NFIB: variants seen among roughly 807,000 people sequenced by gnomAD.
NFIB encodes nuclear factor I B.
A neutral mutation model predicts 61.5 loss-of-function variants in NFIB; 11 were observed. That is an observed-to-expected ratio of 0.18 (90% CI 0.11 to 0.30). The LOEUF is 0.30. NFIB is among the 10% of genes least tolerant of loss of function. The pLI, the probability that NFIB is intolerant of heterozygous loss-of-function variation, is 1.00. For missense variants in NFIB, 471 were observed against 608.9 expected (o/e 0.77, Z 2.38); for synonymous variants, 260 against 216.5 (o/e 1.20, Z -1.76).
At chr9:14,092,008 C>T (rs575694658) in intron 10 of NFIB, among the ~76,000 whole-genome samples, 3 of 152,158 alleles carry the variant, frequency 2.0e-5, no homozygotes, top group African/African-American at 4.8e-5. Flanking sequence ...CATGGCTCCC[C>T]CCAAAAGGGA....
the NFIB span, among the ~76,000 whole-genome samples, chr9:14,505,832 A>G: frequency 6.6e-6 from 1 of 152,160 alleles, no homozygotes; most frequent in Admixed American, 6.5e-5. Context: ...ACCAAGAAAT[A>G]CCTGAGCAAG....
chr9:14,499,961 G>A, the NFIB span, among the ~76,000 whole-genome samples: 1 of 152,190 alleles, frequency 6.6e-6, no homozygotes, highest in Non-Finnish European at 1.5e-5. Context: ...TTGATGAGAA[G>A]CAACTCAGCT....
chr9:14,461,963 G>C, the NFIB span, among the ~76,000 whole-genome samples: 223 of 152,112 alleles, frequency 1.5e-3, 1 homozygote, highest in Middle Eastern at 0.014. Context: ...TGTTATTGAT[G>C]ATTTCTTCTG....
At chr9:14,517,764 C>T in the NFIB span, among the ~76,000 whole-genome samples, 1 of 152,126 alleles carries the variant, frequency 6.6e-6, no homozygotes, top group Admixed American at 6.5e-5. Context: ...TAAGTGCCCT[C>T]ACTTACAGCA....
At chr9:14,196,688 TA>T (rs35353437) in intron 2 of NFIB, among the ~76,000 whole-genome samples, 112,760 of 140,360 alleles carry the variant, frequency 0.8, 45,485 homozygotes, top group Middle Eastern at 0.85. Context: ...TATTCTAACT[TA>T]AAAAAAAAAA....
At chr9:14,441,827 A>C in the NFIB span, among the ~76,000 whole-genome samples, 1 of 152,118 alleles carries the variant, frequency 6.6e-6, no homozygotes, top group Non-Finnish European at 1.5e-5. Flanking sequence ...AATATATACA[A>C]TGCATTTATT....
At chr9:14,118,548 T>C (rs2038469208) in intron 8 of NFIB, among the ~76,000 whole-genome samples, 2 of 152,068 alleles carry the variant, frequency 1.3e-5, no homozygotes, top group African/African-American at 2.4e-5. Context: ...TTGAGGGCTA[T>C]TTTCTCCTCA....
In NFIB at chr9:14,313,534, T is replaced by C. The variant is rs775577973; in HGVS notation, c.-23A>G. ...CATGACTTCGCCTTAAAACGCACTT[T>C]CCGGGAGATGCCCAAGAAAATCTTC... On this transcript the variant is annotated 5_prime_UTR_variant, in exon 1 of 11. Transcript: ENST00000380953. This position sits in a 1 kb window ranked among gnomAD's most constrained non-coding sequence, Gnocchi z 4.5. 1.2e-6 allele frequency: 2 copies of C among 1,613,382 alleles called. No individual in the cohort carries two copies. The highest frequency in any genetic ancestry group is 2.7e-5 in the African/African-American group (2 of 74,898).
chr9:14,408,438 C>A, the NFIB span, among the ~76,000 whole-genome samples: 1 of 152,010 alleles, frequency 6.6e-6, no homozygotes, highest in Non-Finnish European at 1.5e-5. Flanking sequence ...CCCATGGTAC[C>A]ATATGGTGAG....
At chr9:14,447,526 T>A in the NFIB span, among the ~76,000 whole-genome samples, 1 of 152,188 alleles carries the variant, frequency 6.6e-6, no homozygotes, top group African/African-American at 2.4e-5. Flanking sequence ...AGGCTGTAAA[T>A]CTCAGACAAA....
the NFIB span, among the ~76,000 whole-genome samples, chr9:14,517,692 C>CT: frequency 6.6e-6 from 1 of 152,010 alleles, no homozygotes; most frequent in African/African-American, 2.4e-5. Context: ...CTTGGACCTT[C>CT]TTTCTTTACA....
intron 1 of NFIB, among the ~76,000 whole-genome samples, chr9:14,327,756 A>G (rs1031621441): frequency 1.3e-5 from 2 of 152,230 alleles, no homozygotes; most frequent in African/African-American, 4.8e-5. Flanking sequence ...GAAACCAAAG[A>G]AAAATGTAAT....
At chr9:14,226,403 C>T (rs1192621040) in intron 2 of NFIB, among the ~76,000 whole-genome samples, 5 of 151,872 alleles carry the variant, frequency 3.3e-5, no homozygotes, top group African/African-American at 9.7e-5. Flanking sequence ...AAAAAATTGG[C>T]CGGGCAGGGT....
chr9:14,424,529 A>G, the NFIB span, among the ~76,000 whole-genome samples: 1 of 152,224 alleles, frequency 6.6e-6, no homozygotes, highest in African/African-American at 2.4e-5. Context: ...GGCGACCTGC[A>G]GAACGACATT....
chr9:14,293,824 A>G (rs1036892328), intron 2 of NFIB, among the ~76,000 whole-genome samples: 3 of 152,206 alleles, frequency 2.0e-5, no homozygotes, highest in Non-Finnish European at 4.4e-5. Flanking sequence ...TGTACAAAAT[A>G]TGGATCTCAG....
At chr9:14,102,541 G>C in intron 10 of NFIB, 1 of 1,532,648 alleles carries the variant, frequency 6.5e-7, no homozygotes, top group Non-Finnish European at 8.8e-7. Flanking sequence ...GTCAGATATG[G>C]ATCGAGCAGT....
the NFIB span, among the ~76,000 whole-genome samples, chr9:14,485,080 C>T: frequency 6.6e-6 from 1 of 152,028 alleles, no homozygotes; most frequent in Admixed American, 6.6e-5. Context: ...AGAGTCATGC[C>T]CTTAGGATCT....
intron 1 of NFIB, among the ~76,000 whole-genome samples, chr9:14,397,899 G>A (rs1001558400): frequency 6.6e-6 from 1 of 152,138 alleles, no homozygotes; most frequent in African/African-American, 2.4e-5. Flanking sequence ...CGGAGGAGAT[G>A]GCACCATACT....
At chr9:14,280,353 A>G (rs1346430996) in intron 2 of NFIB, among the ~76,000 whole-genome samples, 1 of 152,018 alleles carries the variant, frequency 6.6e-6, no homozygotes, top group Non-Finnish European at 1.5e-5. Context: ...GAAAATACGC[A>G]CACACACACA....
Sources: gnomAD v4.1 joint callset for allele counts (sites outside exome capture counted in the v4.1 genomes callset) on GRCh38, gnomAD v4.1.1 for gene constraint, Gnocchi (gnomAD v3.1) non-coding constraint, MANE v1.5 for transcripts, NCBI Gene and HGNC (gene_info 2026-07-23, HGNC 2026-07-21) for gene names.